Variants in IL5RA observed in about 807,000 individuals in gnomAD.
IL5RA encodes interleukin-5 receptor subunit alpha.
A neutral mutation model predicts 50.0 loss-of-function variants in IL5RA; 49 were observed. The observed-to-expected ratio is 0.98, with a 90% confidence interval of 0.78 to 1.24. IL5RA has a LOEUF of 1.24. IL5RA is among the 50% of genes most tolerant of loss of function. The pLI, the probability that IL5RA is intolerant of heterozygous loss-of-function variation, is 0.00. For missense variants in IL5RA, 600 were observed against 500.4 expected (o/e 1.20, Z -1.90); for synonymous variants, 202 against 174.0 (o/e 1.16, Z -1.26).
In IL5RA at chr3:3,069,112, C is replaced by T. The variant is rs1702217288; in HGVS notation, c.*1113G>A. 6.6e-6 allele frequency: 1 copy of T among 152,242 alleles called. No homozygotes were observed. 9.4% of individuals were successfully genotyped at this position (152,242 alleles called of 1,614,324 possible). The stretch of plus-strand genomic sequence containing the variant: ...TGTTACCTCCTTTCTAGGCCTTCAG[C>T]TTCTTGACCAAGGGCCATGTGGAAT... On this transcript the variant is annotated 3_prime_UTR_variant, in exon 12 of 12. Transcript: ENST00000446632.
chr3:3,091,942 G>T (rs1053238602), intron 9 of IL5RA: 3 of 1,119,368 alleles, frequency 2.7e-6, no homozygotes, highest in Non-Finnish European at 3.3e-6. Flanking sequence ...AAAATAAAAA[G>T]TTTAATTTAA....
At chr3:3,080,356 C>T (rs1288663256) in intron 9 of IL5RA, among the ~76,000 whole-genome samples, 10 of 152,200 alleles carry the variant, frequency 6.6e-5, no homozygotes, top group South Asian at 2.1e-4. Flanking sequence ...CTAGGAAGTG[C>T]GGAAGCCCAA....
In IL5RA at chr3:3,092,235, G is replaced by A. The variant is rs750574625; in HGVS notation, c.983C>T (p.Pro328Leu). 6.2e-6 allele frequency: 10 copies of A among 1,613,696 alleles called. No individual in the cohort carries two copies. Among genetic ancestry groups the A allele is most frequent in the South Asian group, 4.4e-5 (4 of 90,972 alleles). ...CATAAGCTACTTACCCACATAAATA[G>A]GTTGGCTCCACTCACTCCAGAGCCC... The part of the protein sequence containing the change: ...EAGLWSEWSQ[P>L]IYVGNDEHKP... The change falls in exon 9 of 12, where the codon CCT becomes CTT. Residue 328 changes from proline (P) to leucine (L), a missense_variant. Physicochemically the swap from Pro to Leu is moderately conservative, Grantham distance 98 (BLOSUM62 -3). Coordinates refer to ENST00000446632, the MANE Select transcript of IL5RA (RefSeq NM_175726.4). The surrounding 1 kb of genome is among the most constrained non-coding windows in gnomAD (Gnocchi z 4.2).
chr3:3,075,252 G>T (rs576058660), intron 10 of IL5RA, among the ~76,000 whole-genome samples: 9 of 137,966 alleles, frequency 6.5e-5, no homozygotes, highest in Non-Finnish European at 1.4e-4. Context: ...ACCCAGGCTG[G>T]AGTGCAGTGG....
Position 3,092,292 on chromosome 3 carries a change from C to G in IL5RA, c.926G>C (p.Arg309Thr), listed in dbSNP as rs775146081. 2 of 1,614,026 alleles carry G rather than the reference C, an allele frequency of 1.2e-6. No individual in the cohort carries two copies. The highest frequency in any genetic ancestry group is 1.3e-5 in the African/African-American group (1 of 74,950). ...TCTGCACATGGAGCTCACTGCTGCT[C>G]TCACTTGAACATCGTACTTAGAAAG... is the stretch of plus-strand genomic sequence containing the variant. ...DDLSKYDVQV[R>T]AAVSSMCREA... Residue 309 changes from arginine to threonine, a missense_variant, in exon 9 of 12, where the codon AGA (arginine) becomes ACA (threonine). Arg to Thr is a moderately conservative substitution (Grantham distance 71, BLOSUM62 -1). Transcript: ENST00000446632. This position sits in a 1 kb window ranked among gnomAD's most constrained non-coding sequence, Gnocchi z 4.2.
chr3:3,085,936 A>G (rs79180298), intron 9 of IL5RA, among the ~76,000 whole-genome samples: 1 of 148,066 alleles, frequency 6.8e-6, no homozygotes, highest in African/African-American at 2.7e-5. Context: ...TGAATGAGTG[A>G]TCTGAAAATT....
At position 3,092,491 on chromosome 3, in the gene IL5RA, C is replaced by T. The variant is rs151311942; in HGVS notation, c.856-129G>A. The stretch of plus-strand genomic sequence containing the variant: ...AGCAAGTCCTTTAAAATCAACAGGG[C>T]ACACATTAATTCGTTTATGCTAGGT... On this transcript the variant is annotated intron_variant, in intron 8 of 11. Coordinates refer to ENST00000446632, the MANE Select transcript of IL5RA (RefSeq NM_175726.4). The surrounding 1 kb of genome is among the most constrained non-coding windows in gnomAD (Gnocchi z 4.2). The T allele has an allele frequency of 4.5e-5, 38 of 841,950 alleles. No individual in the cohort carries two copies. Among genetic ancestry groups the T allele is most frequent in the East Asian group, 9.8e-5 (4 of 40,650 alleles). The allele number at this position is 841,950 out of a possible 1,614,324, so 52.2% of individuals were successfully genotyped here.
intron 5 of IL5RA, among the ~76,000 whole-genome samples, chr3:3,099,713 A>G (rs1703550695): frequency 6.6e-6 from 1 of 150,684 alleles, no homozygotes; most frequent in African/African-American, 2.5e-5. Context: ...TCTGTCACCC[A>G]GGCTAGAGTG....
chr3:3,091,625 G>A lies in IL5RA; in HGVS notation c.994+599C>T, dbSNP rs190301413. 2.0e-3 allele frequency among the ~76,000 whole-genome samples: 311 copies of A among 152,250 alleles called. 2 individuals carry two copies. The highest frequency in any genetic ancestry group is 5.8e-3 in the African/African-American group (242 of 41,534). On this transcript the variant is annotated intron_variant, in intron 9 of 11. Transcript: ENST00000446632. ...CATGTGCCTGCAGTCCCAGCTACAC[G>A]GGAGGCTGAGACAGGAGAATCGCTC...
chr3:3,093,102 G>T (rs1027258454), intron 8 of IL5RA, among the ~76,000 whole-genome samples: 3 of 152,086 alleles, frequency 2.0e-5, no homozygotes. Context: ...GGCATCCATT[G>T]CCCAGAGTCA....
chr3:3,077,529 G>T (rs544586114), intron 9 of IL5RA, among the ~76,000 whole-genome samples: 3 of 152,344 alleles, frequency 2.0e-5, no homozygotes, highest in African/African-American at 7.2e-5. Context: ...AGCACTTTGG[G>T]AGGCTGAGGC....
chr3:3,089,267 T>C (rs1410708488), intron 9 of IL5RA, among the ~76,000 whole-genome samples: 1 of 152,232 alleles, frequency 6.6e-6, no homozygotes, highest in Admixed American at 6.5e-5. Context: ...TGGTTGTGTG[T>C]TGCACAACTT....
At chr3:3,089,161 T>C (rs1460971868) in intron 9 of IL5RA, among the ~76,000 whole-genome samples, 1 of 152,122 alleles carries the variant, frequency 6.6e-6, no homozygotes, top group African/African-American at 2.4e-5. Flanking sequence ...TCTCACTTCC[T>C]TTTAGTGTCC....
chr3:3,075,814 G>A (rs340806), intron 10 of IL5RA, among the ~76,000 whole-genome samples: 80,917 of 151,694 alleles, frequency 0.53, 24,287 homozygotes, highest in African/African-American at 0.83. Flanking sequence ...ATTAGCCAGG[G>A]TGGTCTCGAT....
chr3:3,096,723 A>G (rs1703384481), intron 7 of IL5RA, among the ~76,000 whole-genome samples: 1 of 152,214 alleles, frequency 6.6e-6, no homozygotes, highest in South Asian at 2.1e-4. Context: ...TAGTTCACCT[A>G]AGAAATATAT....
chr3:3,090,546 C>CT (rs10711626), intron 9 of IL5RA, among the ~76,000 whole-genome samples: 182 of 131,588 alleles, frequency 1.4e-3, no homozygotes, highest in Admixed American at 3.0e-3. Flanking sequence ...TTTGAATTTT[C>CT]TTTTTTTTTT....
intron 5 of IL5RA, among the ~76,000 whole-genome samples, chr3:3,101,166 G>A (rs1166610223): frequency 1.7e-5 from 2 of 115,620 alleles, no homozygotes; most frequent in African/African-American, 6.7e-5. Flanking sequence ...GCAACAGAAG[G>A]AGATTCTATC....
At chr3:3,073,639 A>G (rs1702375566) in intron 11 of IL5RA, 1 of 306,454 alleles carries the variant, frequency 3.3e-6, no homozygotes, top group Non-Finnish European at 6.4e-6. Flanking sequence ...ATCACAAACC[A>G]TTGCTGAGAG....
intron 9 of IL5RA, among the ~76,000 whole-genome samples, chr3:3,078,029 A>T (rs1702544863): frequency 6.6e-6 from 1 of 152,184 alleles, no homozygotes; most frequent in South Asian, 2.1e-4. Flanking sequence ...GAAAGATCAC[A>T]TATGGGTGCT....
Sources: gnomAD v4.1 joint callset for allele counts (sites outside exome capture counted in the v4.1 genomes callset) on GRCh38, gnomAD v4.1.1 for gene constraint, Gnocchi (gnomAD v3.1) non-coding constraint, MANE v1.5 for transcripts, NCBI Gene and HGNC (gene_info 2026-07-23, HGNC 2026-07-21) for gene names.